The following NEK10 variants were observed in gnomAD, a reference collection of about 807,000 sequenced individuals.
NEK10 encodes serine/threonine-protein kinase Nek10.
In NEK10, 122 loss-of-function variants were observed where a neutral mutation model predicts 159.8. That is an observed-to-expected ratio of 0.76 (90% CI 0.66 to 0.89). The LOEUF (loss-of-function observed/expected upper bound fraction) is 0.89, where lower values mean the gene tolerates loss of function less well. NEK10 is among the 40% of genes least tolerant of loss of function. NEK10 has a pLI of 0.00. For synonymous variants in NEK10, 466 were observed against 457.1 expected (o/e 1.02, Z -0.25); for missense variants, 1,342 against 1,323.1 (o/e 1.01, Z -0.22).
chr3:27,238,833 A>T (rs903666226), intron 23 of NEK10, among the ~76,000 whole-genome samples: 1 of 151,026 alleles, frequency 6.6e-6, no homozygotes, highest in Non-Finnish European at 1.5e-5. Flanking sequence ...ATGAAAGTAC[A>T]CTCCACAGAG....
chr3:27,290,071 T>C (rs557386860), intron 19 of NEK10, among the ~76,000 whole-genome samples: 1 of 152,322 alleles, frequency 6.6e-6, no homozygotes, highest in East Asian at 1.9e-4. Context: ...GAAATTCCAT[T>C]TCTCTTTGAA....
intron 4 of NEK10, 64 bp from the exon 5 acceptor site, chr3:27,344,434 G>T: frequency 1.3e-6 from 1 of 785,008 alleles, no homozygotes; most frequent in Non-Finnish European, 2.2e-6. Flanking sequence ...AGTTGCCAGT[G>T]CAGACAAAGA....
intron 22 of NEK10, among the ~76,000 whole-genome samples, chr3:27,271,170 T>TCTAC (rs1338383010): frequency 1.3e-5 from 2 of 151,426 alleles, no homozygotes; most frequent in African/African-American, 2.4e-5. Flanking sequence ...TATCTATCTA[T>TCTAC]CTATCTATCT....
intron 1 of NEK10, among the ~76,000 whole-genome samples, chr3:27,360,044 G>T (rs1049294930): frequency 2.6e-5 from 4 of 152,212 alleles, no homozygotes; most frequent in Non-Finnish European, 4.4e-5. Context: ...TGAGCAAAAA[G>T]TTGAGGAAAT....
intron 26 of NEK10, among the ~76,000 whole-genome samples, chr3:27,183,659 C>T (rs1157561666): frequency 6.6e-6 from 1 of 151,840 alleles, no homozygotes. Flanking sequence ...ATAGACTATA[C>T]AAAATGTTTG....
At chr3:27,250,884 C>T (rs140348658) in intron 23 of NEK10, among the ~76,000 whole-genome samples, 32 of 152,198 alleles carry the variant, frequency 2.1e-4, no homozygotes, top group South Asian at 4.1e-4. Flanking sequence ...TTATTAAATA[C>T]CTTGAGGTAG....
At chr3:27,272,181 T>C (rs2041417190) in intron 22 of NEK10, among the ~76,000 whole-genome samples, 1 of 152,322 alleles carries the variant, frequency 6.6e-6, no homozygotes, top group South Asian at 2.1e-4. Flanking sequence ...CCATCACATA[T>C]GTGTCAGTGA....
intron 23 of NEK10, among the ~76,000 whole-genome samples, chr3:27,206,812 A>T (rs921259834): frequency 6.6e-6 from 1 of 152,134 alleles, no homozygotes; most frequent in Admixed American, 6.6e-5. Flanking sequence ...AATTTCAAGC[A>T]CTGTTTCTGA....
chr3:27,138,668 G>A (rs1166340025), intron 31 of NEK10, among the ~76,000 whole-genome samples: 1 of 152,184 alleles, frequency 6.6e-6, no homozygotes, highest in African/African-American at 2.4e-5. Context: ...GAATGTCCCA[G>A]AAGAGCCCAT....
At position 27,204,477 on chromosome 3, in the gene NEK10, A is replaced by G. The variant is rs1479335144; in HGVS notation, c.2091-1920T>C. Among the ~76,000 whole-genome samples the G allele has an allele frequency of 1.3e-3, 116 of 87,910 alleles. 2 individuals carry two copies. Among genetic ancestry groups the G allele is most frequent in the African/African-American group, 5.2e-3 (113 of 21,936 alleles). 57.7% of individuals were successfully genotyped at this position (87,910 alleles called of 152,430 possible). A position where few individuals can be genotyped will look rare whatever the true frequency, so the allele number is the denominator to read the frequency against. Reference sequence around the variant, plus strand: ...CTCCCCCCTCCCCCCACCCCACCACAGTCCCCAGAGTGTGATATTCCCCTT... The same window carrying G: ...CTCCCCCCTCCCCCCACCCCACCACGGTCCCCAGAGTGTGATATTCCCCTT... On this transcript the variant is annotated intron_variant, in intron 23 of 35. Coordinates refer to ENST00000691995, the MANE Select transcript of NEK10 (RefSeq NM_001394966.1).
At chr3:27,229,027 C>A (rs79376126) in intron 23 of NEK10, among the ~76,000 whole-genome samples, 3,225 of 152,124 alleles carry the variant, frequency 0.021, 39 homozygotes, top group Non-Finnish European at 0.034. Flanking sequence ...CTCAGGGATA[C>A]CCCCCCTACT....
intron 5 of NEK10, among the ~76,000 whole-genome samples, chr3:27,330,161 T>C (rs2046298838): frequency 6.6e-6 from 1 of 152,134 alleles, no homozygotes; most frequent in South Asian, 2.1e-4. Context: ...TGTGTGTGTG[T>C]ACATGTGTGT....
intron 30 of NEK10, among the ~76,000 whole-genome samples, chr3:27,145,662 C>T (rs1039952838): frequency 1.3e-5 from 2 of 151,890 alleles, no homozygotes; most frequent in African/African-American, 4.8e-5. Context: ...TGCTTTAATC[C>T]ACAGAGGAGA....
chr3:27,246,714 C>A (rs573515460), intron 23 of NEK10, among the ~76,000 whole-genome samples: 1 of 152,212 alleles, frequency 6.6e-6, no homozygotes, highest in East Asian at 1.9e-4. Context: ...CCCTTCCTAG[C>A]CCCGGTGACC....
chr3:27,238,585 A>C (rs1954208150), intron 23 of NEK10, among the ~76,000 whole-genome samples: 1 of 152,082 alleles, frequency 6.6e-6, no homozygotes. Flanking sequence ...TGTCTGCTTG[A>C]CTTGACAATA....
At chr3:27,144,644 T>TTCTTGC (rs1944119541) in intron 30 of NEK10, among the ~76,000 whole-genome samples, 1 of 152,226 alleles carries the variant, frequency 6.6e-6, no homozygotes, top group Non-Finnish European at 1.5e-5. Context: ...TTTGGTAAAT[T>TTCTTGC]TCTTGCTTGT....
intron 23 of NEK10, among the ~76,000 whole-genome samples, chr3:27,231,657 G>T (rs1438878599): frequency 2.0e-5 from 3 of 151,876 alleles, no homozygotes; most frequent in Non-Finnish European, 4.4e-5. Context: ...CAATGAAACT[G>T]GAGACATTAC....
At position 27,141,568 on chromosome 3, in the gene NEK10, C is replaced by A; in HGVS notation, c.2884G>T (p.Ala962Ser). ...TGACGCACTTTCCTCTGGGACACAG[C>A]AATTCCTGCTGATGCTGTGGGTGAT... ...SRPRPASAGI[A>S]VSQRKVRQIS... Residue 962 changes from alanine to serine, a missense_variant, in exon 31 of 36, where the codon GCT becomes TCT. By Grantham distance (99) the Ala-to-Ser change is moderately conservative. Transcript: ENST00000691995. 1.2e-6 allele frequency: 2 copies of A among 1,612,884 alleles called. No homozygotes were observed. Among genetic ancestry groups the A allele is most frequent in the South Asian group, 2.2e-5 (2 of 90,900 alleles).
chr3:27,213,548 C>T (rs62256304), intron 23 of NEK10, among the ~76,000 whole-genome samples: 35,612 of 152,084 alleles, frequency 0.23, 4,528 homozygotes, highest in Middle Eastern at 0.38. Context: ...GCCCCTCGAC[C>T]GAATCCATGG....
Sources: gnomAD v4.1 joint callset for allele counts (sites outside exome capture counted in the v4.1 genomes callset) on GRCh38, gnomAD v4.1.1 for gene constraint, MANE v1.5 for transcripts, NCBI Gene and HGNC (gene_info 2026-07-23, HGNC 2026-07-21) for gene names.